SPOCK1: variants seen among roughly 807,000 people sequenced by gnomAD.
The protein encoded by SPOCK1 is testican-1.
Under a neutral mutation model 55.3 loss-of-function variants are expected in SPOCK1, and 23 were observed. The ratio of observed to expected loss-of-function variants is 0.42; its 90% confidence interval spans 0.30 to 0.59. The LOEUF (loss-of-function observed/expected upper bound fraction) is 0.59. SPOCK1 is among the 20% of genes least tolerant of loss of function. SPOCK1 has a pLI of 0.22. For synonymous variants in SPOCK1, 226 were observed against 221.0 expected, an observed-to-expected ratio of 1.02 and a Z score of -0.20; for missense variants, 499 against 552.5, an observed-to-expected ratio of 0.90 and a Z score of 0.97.
At chr5:137,442,809 C>T (rs1007140434) in intron 2 of SPOCK1, among the ~76,000 whole-genome samples, 2 of 152,198 alleles carry the variant, frequency 1.3e-5, no homozygotes, top group Admixed American at 1.3e-4. Context: ...TGCTAGGTTC[C>T]TTTTCTGGCC....
At chr5:137,231,044 C>T (rs1756044569) in intron 3 of SPOCK1, among the ~76,000 whole-genome samples, 1 of 105,634 alleles carries the variant, frequency 9.5e-6, no homozygotes, top group African/African-American at 2.7e-5. Context: ...CCTGGTGTTA[C>T]CCCCTTTTTT....
chr5:137,153,729 G>A (rs913990437), intron 3 of SPOCK1, among the ~76,000 whole-genome samples: 6 of 150,616 alleles, frequency 4.0e-5, no homozygotes, highest in Non-Finnish European at 7.4e-5. Context: ...ATGGTGGCAC[G>A]CACCTGTAGT....
chr5:137,423,424 G>T (rs929928701), intron 2 of SPOCK1, among the ~76,000 whole-genome samples: 11 of 152,216 alleles, frequency 7.2e-5, no homozygotes, highest in Non-Finnish European at 1.5e-4. Flanking sequence ...AGCTGCGGTG[G>T]GCTCCACCCA....
intron 2 of SPOCK1, among the ~76,000 whole-genome samples, chr5:137,304,377 C>T (rs886575661): frequency 2.0e-5 from 3 of 152,212 alleles, no homozygotes; most frequent in African/African-American, 7.2e-5. Flanking sequence ...ACAAGCCCTG[C>T]CCCAGCTGCT....
At chr5:137,279,110 T>G (rs1294784932) in intron 2 of SPOCK1, among the ~76,000 whole-genome samples, 1 of 152,004 alleles carries the variant, frequency 6.6e-6, no homozygotes, top group African/African-American at 2.4e-5. Context: ...CTATAAGCAC[T>G]GGGGAGCCCC....
intron 4 of SPOCK1, among the ~76,000 whole-genome samples, chr5:137,113,845 GAAGACGGA>G (rs1753521417): frequency 6.6e-6 from 1 of 152,144 alleles, no homozygotes; most frequent in Non-Finnish European, 1.5e-5. Context: ...CATGGAAGCA[GAAGACGGA>G]AATATTTTCT....
chr5:137,039,276 T>C, intron 6 of SPOCK1, among the ~76,000 whole-genome samples: 2 of 109,124 alleles, frequency 1.8e-5, no homozygotes, highest in African/African-American at 1.0e-4. Flanking sequence ...CACACTTTTT[T>C]TTTTTTTTTT....
intron 3 of SPOCK1, among the ~76,000 whole-genome samples, chr5:137,195,187 C>G (rs1003880434): frequency 6.6e-6 from 1 of 152,178 alleles, no homozygotes; most frequent in East Asian, 1.9e-4. Flanking sequence ...CCTTTTAATG[C>G]CCCTTCATTG....
At chr5:137,298,138 G>A (rs1757522879) in intron 2 of SPOCK1, among the ~76,000 whole-genome samples, 1 of 152,094 alleles carries the variant, frequency 6.6e-6, no homozygotes, top group African/African-American at 2.4e-5. Context: ...TACGTTTAAG[G>A]TACTTTTAAC....
chr5:137,370,913 G>A (rs1052198153), intron 2 of SPOCK1, among the ~76,000 whole-genome samples: 4 of 152,220 alleles, frequency 2.6e-5, no homozygotes, highest in African/African-American at 9.6e-5. Flanking sequence ...AAATCTGCCT[G>A]TCTGACACAA....
intron 2 of SPOCK1, among the ~76,000 whole-genome samples, chr5:137,300,234 G>A (rs1757562460): frequency 3.9e-5 from 6 of 152,024 alleles, no homozygotes; most frequent in Admixed American, 3.9e-4. Flanking sequence ...TTTTAAAATA[G>A]TTTCCATTTT....
At chr5:137,063,268 T>C (rs1752432102) in intron 6 of SPOCK1, among the ~76,000 whole-genome samples, 1 of 148,056 alleles carries the variant, frequency 6.8e-6, no homozygotes, top group Non-Finnish European at 1.5e-5. Flanking sequence ...GAAAGAAATA[T>C]TCGGAAATTT....
chr5:137,350,053 A>C lies in SPOCK1; in HGVS notation c.187-82998T>G, dbSNP rs148604402. 6.0e-3 allele frequency among the ~76,000 whole-genome samples: 907 copies of C among 152,224 alleles called. 13 individuals carry two copies. The highest frequency in any genetic ancestry group is 0.021 in the African/African-American group (870 of 41,548). ...CCTGGGTGCTAAGATCAGAAGAAAA[A>C]TTTGCCCAAGAGATATAGAGCTAAG... On this transcript the variant is annotated intron_variant, in intron 2 of 10. Transcript: ENST00000394945.
chr5:137,362,995 A>G (rs1242132864), intron 2 of SPOCK1, among the ~76,000 whole-genome samples: 1 of 152,222 alleles, frequency 6.6e-6, no homozygotes, highest in Admixed American at 6.5e-5. Flanking sequence ...TTTGACTCCA[A>G]AGGGGACACA....
intron 2 of SPOCK1, among the ~76,000 whole-genome samples, chr5:137,343,616 T>C (rs1217357671): frequency 6.6e-6 from 1 of 152,208 alleles, no homozygotes; most frequent in Non-Finnish European, 1.5e-5. Context: ...CCCCGTTGTA[T>C]GAAATCCCAG....
intron 2 of SPOCK1, among the ~76,000 whole-genome samples, chr5:137,382,186 T>A (rs770213091): frequency 6.6e-6 from 1 of 152,260 alleles, no homozygotes; most frequent in Non-Finnish European, 1.5e-5. Context: ...TTTGCTCCAG[T>A]TCCCAGTAGG....
chr5:137,189,923 G>T lies in SPOCK1; in HGVS notation c.233-49229C>A, dbSNP rs141473639. On this transcript the variant is annotated intron_variant, in intron 3 of 10. Coordinates refer to ENST00000394945, the MANE Select transcript of SPOCK1 (RefSeq NM_004598.4). ...TAATGCTCATGGGCGACTTTGAGGG[G>T]TACAAGACTTCATAATAGGAAGTAA... is the stretch of plus-strand genomic sequence containing the variant. 1.5e-3 allele frequency among the ~76,000 whole-genome samples: 232 copies of T among 151,982 alleles called. 1 individual carries two copies. Among genetic ancestry groups the T allele is most frequent in the African/African-American group, 5.4e-3 (223 of 41,482 alleles).
chr5:137,026,638 A>G (rs1007965042), intron 6 of SPOCK1, among the ~76,000 whole-genome samples: 1 of 152,048 alleles, frequency 6.6e-6, no homozygotes, highest in Non-Finnish European at 1.5e-5. Flanking sequence ...CACACCCTCT[A>G]TTGGTTCTGT....
At chr5:137,492,629 T>G (rs975197996) in intron 2 of SPOCK1, among the ~76,000 whole-genome samples, 1 of 152,178 alleles carries the variant, frequency 6.6e-6, no homozygotes, top group Admixed American at 6.5e-5. Context: ...AACAAATGAG[T>G]CAGTGGCCCA....
Sources: allele counts gnomAD v4.1 joint callset (sites outside exome capture counted in the v4.1 genomes callset), GRCh38; gene constraint gnomAD v4.1.1; transcripts MANE v1.5; gene names NCBI Gene and HGNC (gene_info 2026-07-23, HGNC 2026-07-21).